CATSPERB: variants seen among roughly 807,000 people sequenced by gnomAD.
CATSPERB encodes catsper channel auxiliary subunit beta.
A neutral mutation model predicts 128.3 loss-of-function variants in CATSPERB; 93 were observed. The observed-to-expected ratio is 0.72, with a 90% CI of 0.61 to 0.86. CATSPERB has a LOEUF of 0.86. CATSPERB is among the 40% of genes least tolerant of loss of function. The pLI is 0.00. For synonymous variants in CATSPERB, 381 were observed against 448.8 expected (o/e 0.85, Z 1.91); for missense variants, 1,153 against 1,329.5 (o/e 0.87, Z 2.06).
intron 18 of CATSPERB, among the ~76,000 whole-genome samples, chr14:91,622,916 T>C (rs1343823760): frequency 4.2e-5 from 6 of 143,336 alleles, no homozygotes; most frequent in African/African-American, 7.7e-5. Context: ...TTTTTTGATA[T>C]GGAGTTTCGC....
In CATSPERB at chr14:91,589,681, A is replaced by T. The variant is rs751083338; in HGVS notation, c.2821-12T>A. ...TTAAAGCGAGGAACCTAAAATACAA[A>T]TTCCAAGAATGAATGTAAACTTGGG... On this transcript the variant is annotated splice_polypyrimidine_tract_variant and intron_variant, in intron 23 of 26. Transcript: ENST00000256343. The T allele has an allele frequency of 6.2e-7, 1 of 1,608,278 alleles. No homozygotes were observed.
chr14:91,640,331 T>C (rs1894469758), intron 15 of CATSPERB, among the ~76,000 whole-genome samples: 1 of 149,210 alleles, frequency 6.7e-6, no homozygotes, highest in African/African-American at 2.5e-5. Flanking sequence ...GCCATGCTGG[T>C]GCACTGCACC....
chr14:91,678,417 A>G (rs945135323), intron 11 of CATSPERB, among the ~76,000 whole-genome samples: 2 of 152,290 alleles, frequency 1.3e-5, no homozygotes, highest in East Asian at 1.9e-4. Flanking sequence ...TTATATTGCT[A>G]TCTTGTGGCT....
In CATSPERB at chr14:91,587,211, T is replaced by C; in HGVS notation, c.3123A>G (p.Glu1041=). The C allele has an allele frequency of 6.2e-7, 1 of 1,602,050 alleles. No individual in the cohort carries two copies. Among genetic ancestry groups the C allele is most frequent in the Non-Finnish European group, 8.5e-7 (1 of 1,174,952 alleles). Residue 1041 remains glutamate, a synonymous_variant, in exon 26 of 27, where the codon GAA becomes GAG. Transcript: ENST00000256343. ...ISGVTFCNLI[E]EFQIYVDEAP... ...AGTGCATCCATTTTACCTGAAATTCTTCAATTAAGTTACAAAAAGTTACTC... is the reference window on the plus strand; with the variant it reads ...AGTGCATCCATTTTACCTGAAATTCCTCAATTAAGTTACAAAAAGTTACTC...
chr14:91,633,996 C>T (rs1022596890), intron 17 of CATSPERB, among the ~76,000 whole-genome samples: 1 of 151,988 alleles, frequency 6.6e-6, no homozygotes, highest in African/African-American at 2.4e-5. Context: ...TTATAGTTGA[C>T]CCTTGAACAA....
intron 18 of CATSPERB, among the ~76,000 whole-genome samples, chr14:91,622,860 C>T (rs1158557538): frequency 6.6e-6 from 1 of 151,430 alleles, no homozygotes; most frequent in Non-Finnish European, 1.5e-5. Flanking sequence ...TACATGACTC[C>T]AGCCAACAGC....
intron 22 of CATSPERB, chr14:91,603,262 G>A: frequency 9.0e-7 from 1 of 1,108,226 alleles, no homozygotes; most frequent in Non-Finnish European, 1.4e-6. Context: ...TTCAAAGCCA[G>A]CATATATTAT....
intron 10 of CATSPERB, among the ~76,000 whole-genome samples, chr14:91,690,746 T>C (rs1642926967): frequency 6.6e-6 from 1 of 152,240 alleles, no homozygotes; most frequent in Admixed American, 6.5e-5. Flanking sequence ...TGAATGTGGG[T>C]ATATGTGCAC....
chr14:91,680,156 A>C (rs946170104), intron 11 of CATSPERB, among the ~76,000 whole-genome samples: 8 of 152,238 alleles, frequency 5.3e-5, no homozygotes, highest in African/African-American at 1.9e-4. Flanking sequence ...TAAATAATTT[A>C]AATGTTTAGC....
At chr14:91,643,727 C>T (rs1217456834) in intron 15 of CATSPERB, among the ~76,000 whole-genome samples, 9 of 52,428 alleles carry the variant, frequency 1.7e-4, no homozygotes, top group South Asian at 1.1e-3. Context: ...CTATTAGGTC[C>T]GCTTGGTGCA....
intron 2 of CATSPERB, among the ~76,000 whole-genome samples, chr14:91,725,830 A>G (rs1896110871): frequency 6.6e-6 from 1 of 152,220 alleles, no homozygotes; most frequent in Admixed American, 6.5e-5. Flanking sequence ...GAAAACAGGC[A>G]TTTCTGTTTT....
At chr14:91,692,590 T>C (rs146998864) in intron 9 of CATSPERB, among the ~76,000 whole-genome samples, 1 of 152,298 alleles carries the variant, frequency 6.6e-6, no homozygotes, top group East Asian at 1.9e-4. Flanking sequence ...TTCCCCTTCT[T>C]TACTTCCCTC....
At chr14:91,637,932 T>C (rs925544412) in intron 16 of CATSPERB, among the ~76,000 whole-genome samples, 1 of 152,178 alleles carries the variant, frequency 6.6e-6, no homozygotes. Context: ...ATTCGCTTTG[T>C]ATAAATGCGG....
chr14:91,670,925 A>T (rs1008726233), intron 13 of CATSPERB, among the ~76,000 whole-genome samples: 33 of 150,390 alleles, frequency 2.2e-4, no homozygotes, highest in African/African-American at 7.6e-4. Context: ...ATCTCTTGAA[A>T]CCGGGAGGCA....
At chr14:91,697,310 T>C (rs1040349391) in intron 7 of CATSPERB, among the ~76,000 whole-genome samples, 1 of 151,996 alleles carries the variant, frequency 6.6e-6, no homozygotes, top group Non-Finnish European at 1.5e-5. Flanking sequence ...CTCTGAGAAT[T>C]ATGGTGAGAA....
chr14:91,685,516 A>T (rs924926928), intron 10 of CATSPERB, among the ~76,000 whole-genome samples: 4 of 152,176 alleles, frequency 2.6e-5, no homozygotes, highest in Non-Finnish European at 5.9e-5. Context: ...ATTTATCGGG[A>T]TACAATAGTA....
intron 14 of CATSPERB, 48 bp from the exon 15 acceptor site, chr14:91,660,029 A>C (rs370839436): frequency 4.6e-6 from 7 of 1,510,126 alleles, no homozygotes; most frequent in African/African-American, 2.8e-5. Flanking sequence ...GCCATGCAAC[A>C]GTTGGCAGTT....
chr14:91,587,073 T>C, intron 26 of CATSPERB, 129 bp downstream of exon 26: 1 of 656,422 alleles, frequency 1.5e-6, no homozygotes, highest in Admixed American at 3.3e-5. Context: ...CCCTTCAGGA[T>C]CCCCTGTCTT....
chr14:91,726,424 A>C (rs1387237115), intron 2 of CATSPERB, among the ~76,000 whole-genome samples: 1 of 152,164 alleles, frequency 6.6e-6, no homozygotes, highest in East Asian at 1.9e-4. Context: ...TATGTCCTGC[A>C]AGAGGGGCCA....
Sources: allele counts gnomAD v4.1 joint callset (sites outside exome capture counted in the v4.1 genomes callset), GRCh38; gene constraint gnomAD v4.1.1; transcripts MANE v1.5; gene names NCBI Gene and HGNC (gene_info 2026-07-23, HGNC 2026-07-21).